The following ADAMTSL1 variants were observed in gnomAD, a reference collection of about 807,000 sequenced individuals.
ADAMTSL1 encodes ADAMTS like 1, also known as ADAMTS-like protein 1.
Under a neutral mutation model 201.8 loss-of-function variants are expected in ADAMTSL1, and 126 were observed. The observed-to-expected ratio is 0.62, with a 90% CI of 0.54 to 0.72. ADAMTSL1 has a LOEUF of 0.72. Ranked by LOEUF, ADAMTSL1 falls within the 30% of genes least tolerant of loss-of-function variation. The pLI is 0.00. For missense variants in ADAMTSL1, 2,679 were observed against 2,277.8 expected, an observed-to-expected ratio of 1.18 and a Z score of -3.59; for synonymous variants, 1,121 against 903.4, an observed-to-expected ratio of 1.24 and a Z score of -4.32.
At chr9:17,909,095 G>GT (rs1425426075) in intron 1 of ADAMTSL1, among the ~76,000 whole-genome samples, 3 of 148,058 alleles carry the variant, frequency 2.0e-5, no homozygotes, top group African/African-American at 7.4e-5. Context: ...TTTTTCATGT[G>GT]TTTTTTGGCT....
At chr9:18,172,458 C>A (rs1268880388) in intron 2 of ADAMTSL1, among the ~76,000 whole-genome samples, 2 of 151,928 alleles carry the variant, frequency 1.3e-5, no homozygotes, top group Non-Finnish European at 2.9e-5. Context: ...AGATAGGCAA[C>A]AAATTTAAAG....
At chr9:18,127,836 C>A (rs1227316026) in intron 1 of ADAMTSL1, among the ~76,000 whole-genome samples, 1 of 152,158 alleles carries the variant, frequency 6.6e-6, no homozygotes, top group Non-Finnish European at 1.5e-5. Context: ...ACCGGCATAT[C>A]ATCATTTCCA....
chr9:18,205,650 A>T (rs773198373), intron 2 of ADAMTSL1, among the ~76,000 whole-genome samples: 16 of 152,266 alleles, frequency 1.1e-4, no homozygotes, highest in South Asian at 2.1e-4. Context: ...CCTGTACTTC[A>T]TGATGTTCTC....
chr9:18,492,029 T>C (rs1352097067), intron 1 of ADAMTSL1, among the ~76,000 whole-genome samples: 21 of 152,198 alleles, frequency 1.4e-4, no homozygotes, highest in Admixed American at 1.4e-3. Context: ...TTGATGTAGT[T>C]ACAACAAAAG....
rs372354869 is a variant in ADAMTSL1 at position 18,312,379 on chromosome 9, T to G, written c.207+148398T>G. Reference sequence around the variant, plus strand: ...TTTATATCCACTGTTGGATGGGTATTAAGTGCCACATCGTTGTATCTAAGA... The same window carrying G: ...TTTATATCCACTGTTGGATGGGTATGAAGTGCCACATCGTTGTATCTAAGA... On this transcript the variant is annotated intron_variant, in intron 2 of 29. Coordinates refer to the ADAMTSL1 transcript ENST00000680146. Among the ~76,000 whole-genome samples, 108 of 152,334 alleles carry G rather than the reference T, an allele frequency of 7.1e-4. 4 individuals carry two copies. The South Asian group carries it at 0.022, about 31-fold the overall frequency.
chr9:17,931,898 C>T (rs1053307762), intron 1 of ADAMTSL1, among the ~76,000 whole-genome samples: 2 of 152,120 alleles, frequency 1.3e-5, no homozygotes, highest in African/African-American at 2.4e-5. Context: ...TGCTGATTGG[C>T]AACAAGATGG....
chr9:18,844,603 C>T (rs561698577), intron 23 of ADAMTSL1, among the ~76,000 whole-genome samples: 1 of 152,334 alleles, frequency 6.6e-6, no homozygotes, highest in East Asian at 1.9e-4. Context: ...GCAGAGGTTA[C>T]TGCTGTCTTT....
intron 23 of ADAMTSL1, 60 bp downstream of exon 23, chr9:18,830,037 G>A (rs915331305): frequency 1.3e-6 from 2 of 1,544,376 alleles, no homozygotes; most frequent in Non-Finnish European, 8.8e-7. Flanking sequence ...ATTTATGGAT[G>A]GGTGACTGTT....
intron 1 of ADAMTSL1, among the ~76,000 whole-genome samples, chr9:17,917,400 C>A (rs1288814839): frequency 1.3e-5 from 2 of 151,898 alleles, no homozygotes; most frequent in Non-Finnish European, 2.9e-5. Flanking sequence ...TGCTTTTATT[C>A]TTCATTTGCT....
chr9:18,803,651 C>T (rs150892563), intron 20 of ADAMTSL1, among the ~76,000 whole-genome samples: 270 of 152,230 alleles, frequency 1.8e-3, no homozygotes, highest in Non-Finnish European at 2.9e-3. Context: ...TTTAGAGACA[C>T]CAAACCAAAA....
Position 18,375,593 on chromosome 9 carries a change from G to C in ADAMTSL1, c.208-129236G>C, listed in dbSNP as rs143199895. Reference sequence around the variant, plus strand: ...GTGTCTGGAGTTGGTTCCTTCCGGTGAGTTTGTGGTCTCGCTGACTTCAGG... The same window carrying C: ...GTGTCTGGAGTTGGTTCCTTCCGGTCAGTTTGTGGTCTCGCTGACTTCAGG... On this transcript the variant is annotated intron_variant, in intron 2 of 29. Coordinates refer to the ADAMTSL1 transcript ENST00000680146. 9.5e-4 allele frequency among the ~76,000 whole-genome samples: 144 copies of C among 152,256 alleles called. 1 individual carries two copies. Among genetic ancestry groups the C allele is most frequent in the African/African-American group, 2.9e-3 (122 of 41,544 alleles).
At chr9:18,197,622 C>G (rs568555392) in intron 2 of ADAMTSL1, among the ~76,000 whole-genome samples, 296 of 148,380 alleles carry the variant, frequency 2.0e-3, no homozygotes, top group Non-Finnish European at 3.3e-3. Context: ...ATGTCGTCTG[C>G]AAACAGGGAC....
chr9:18,389,224 T>C (rs192139106), intron 2 of ADAMTSL1, among the ~76,000 whole-genome samples: 1 of 152,224 alleles, frequency 6.6e-6, no homozygotes, highest in East Asian at 1.9e-4. Context: ...TTTCAGATTC[T>C]TTGCTTAATT....
At chr9:18,388,476 G>A (rs752658798) in intron 2 of ADAMTSL1, among the ~76,000 whole-genome samples, 40 of 152,010 alleles carry the variant, frequency 2.6e-4, no homozygotes, top group Non-Finnish European at 5.0e-4. Flanking sequence ...GTCTCACCAT[G>A]TTGCCCAGGC....
At chr9:18,044,422 GT>G (rs1422541015) in intron 1 of ADAMTSL1, among the ~76,000 whole-genome samples, 16 of 152,096 alleles carry the variant, frequency 1.1e-4, no homozygotes, top group Non-Finnish European at 2.9e-5. Flanking sequence ...TGGTTTGACT[GT>G]TTTTCTTAAG....
intron 23 of ADAMTSL1, among the ~76,000 whole-genome samples, chr9:18,878,218 G>A (rs143665794): frequency 6.2e-4 from 95 of 152,308 alleles, no homozygotes; most frequent in African/African-American, 2.2e-3. Context: ...AAAGCAAGCA[G>A]CGCTTTCAGG....
At chr9:18,641,211 TCTC>T (rs1317167990) in intron 7 of ADAMTSL1, among the ~76,000 whole-genome samples, 3 of 152,096 alleles carry the variant, frequency 2.0e-5, no homozygotes, top group Non-Finnish European at 2.9e-5. Context: ...TTCTTCAAGA[TCTC>T]CTCCTTCCAG....
intron 1 of ADAMTSL1, among the ~76,000 whole-genome samples, chr9:18,031,632 T>C (rs573756073): frequency 6.6e-6 from 1 of 152,128 alleles, no homozygotes; most frequent in Non-Finnish European, 1.5e-5. Context: ...GGGTGAGAGA[T>C]ACCTGCCCCC....
chr9:18,807,982 A>G (rs1030377450), intron 20 of ADAMTSL1, among the ~76,000 whole-genome samples: 1 of 152,176 alleles, frequency 6.6e-6, no homozygotes, highest in African/African-American at 2.4e-5. Context: ...GCAGTAATCT[A>G]TTAGTAGGTG....
Sources: gnomAD v4.1 joint callset for allele counts (sites outside exome capture counted in the v4.1 genomes callset) on GRCh38, gnomAD v4.1.1 for gene constraint, MANE v1.5 for transcripts, NCBI Gene and HGNC (gene_info 2026-07-23, HGNC 2026-07-21) for gene names.